Variants in MARF1 observed in about 807,000 individuals in gnomAD.
MARF1 encodes limkain-b1.
In MARF1, 24 loss-of-function variants were observed where a neutral mutation model predicts 168.2. The observed-to-expected ratio is 0.14, with a 90% CI of 0.10 to 0.20. The LOEUF (loss-of-function observed/expected upper bound fraction) is 0.20, where lower values mean the gene tolerates loss of function less well. Ranked by LOEUF, MARF1 falls within the 10% of genes least tolerant of loss-of-function variation. MARF1 has a pLI of 1.00. For synonymous variants in MARF1, 868 were observed against 822.4 expected, an observed-to-expected ratio of 1.06 and a Z score of -0.95; for missense variants, 1,744 against 2,143.6, an observed-to-expected ratio of 0.81 and a Z score of 3.68.
At chr16:15,611,330 G>A (rs1280698291) in intron 18 of MARF1, among the ~76,000 whole-genome samples, 1 of 151,654 alleles carries the variant, frequency 6.6e-6, no homozygotes, top group Non-Finnish European at 1.5e-5. Context: ...GTGGTGGCGG[G>A]CGCCTGTAGT....
intron 2 of MARF1, among the ~76,000 whole-genome samples, chr16:15,638,748 G>A (rs983505868): frequency 2.6e-5 from 4 of 152,106 alleles, no homozygotes; most frequent in African/African-American, 9.7e-5. Context: ...AAACTCAAGA[G>A]GGCTACAGTA....
intron 23 of MARF1, 100 bp from the exon 24 acceptor site, chr16:15,600,801 G>C: frequency 7.5e-6 from 9 of 1,192,470 alleles, no homozygotes; most frequent in Non-Finnish European, 1.0e-5. Flanking sequence ...CCTTAGGCTA[G>C]AATTTAGGAG....
rs2035246786 is a variant in MARF1 at position 15,631,456 on chromosome 16, C to A, written c.1276G>T (p.Asp426Tyr). ...CGGAGACTCTGCCGCAGTTTATCAT[C>A]AGCGGCATTCTTTGCAGTAGCATTG... ...HINATAKNAADDKLRQSLRRF... is the reference protein window; with the variant it reads ...HINATAKNAAYDKLRQSLRRF... Residue 426 changes from aspartate (D) to tyrosine (Y), a missense_variant, in exon 6 of 27, where the codon GAT becomes TAT. By Grantham distance (160) the Asp-to-Tyr change is radical. Coordinates refer to ENST00000396368, the MANE Select transcript of MARF1 (RefSeq NM_014647.4). 1 of 1,613,332 alleles carries A rather than the reference C, an allele frequency of 6.2e-7. No individual in the cohort carries two copies. Among genetic ancestry groups the A allele is most frequent in the South Asian group, 1.1e-5 (1 of 91,042 alleles).
At chr16:15,611,373 G>A (rs551384533) in intron 18 of MARF1, among the ~76,000 whole-genome samples, 3 of 150,912 alleles carry the variant, frequency 2.0e-5, no homozygotes, top group African/African-American at 4.9e-5. Context: ...GCAGGACAAC[G>A]GCATAAACCC....
intron 19 of MARF1, 45 bp downstream of exon 19, chr16:15,610,930 A>G: frequency 1.9e-6 from 3 of 1,582,718 alleles, no homozygotes; most frequent in Non-Finnish European, 1.7e-6. Context: ...TGTTAAAATA[A>G]CAGGAGATAG....
intron 5 of MARF1, among the ~76,000 whole-genome samples, chr16:15,632,727 A>G (rs907808657): frequency 3.3e-5 from 5 of 152,230 alleles, no homozygotes; most frequent in Non-Finnish European, 7.3e-5. Flanking sequence ...TGTAAAGAAC[A>G]TGGGTATATC....
intron 7 of MARF1, among the ~76,000 whole-genome samples, chr16:15,627,357 C>A (rs913353930): frequency 6.6e-6 from 1 of 150,984 alleles, no homozygotes; most frequent in East Asian, 2.0e-4. Flanking sequence ...CGGTGGCTCA[C>A]GCCTGTAATC....
At position 15,604,332 on chromosome 16, in the gene MARF1, C is replaced by G; in HGVS notation, c.4249G>C (p.Ala1417Pro). The change falls in exon 22 of 27, where the codon GCC becomes CCC. Residue 1417 changes from alanine (A) to proline (P), a missense_variant. Transcript: ENST00000396368. ...INRKSLRSLT[A>P]QLLVLLMSWE... Reference sequence around the variant, plus strand: ...GACATCAACAATACCAGCAACTGGGCAGTGAGAGATCGCAGAGACTTTCGG... The same window carrying G: ...GACATCAACAATACCAGCAACTGGGGAGTGAGAGATCGCAGAGACTTTCGG... 6.2e-7 allele frequency: 1 copy of G among 1,614,114 alleles called. No homozygotes were observed. Among genetic ancestry groups the G allele is most frequent in the Non-Finnish European group, 8.5e-7 (1 of 1,180,008 alleles).
At position 15,625,389 on chromosome 16, in the gene MARF1, T is replaced by C; in HGVS notation, c.1936A>G (p.Asn646Asp). ...AAAATTACCTGTAAACTTTTAACAT[T>C]TGTATTTTTTGTAGCAGATCCAGAA... Reference protein sequence around the residue: ...ANSGSATKNTNVKSLQELCRM... With the variant: ...ANSGSATKNTDVKSLQELCRM... Residue 646 changes from asparagine to aspartate, a missense_variant, in exon 8 of 27, where the codon AAT becomes GAT. Physicochemically the swap from Asn to Asp is conservative, Grantham distance 23 (BLOSUM62 1). This residue lies in a region of MARF1 where 270 missense variants were observed against 260.6 expected (regional missense o/e 1.04). Coordinates refer to ENST00000396368, the MANE Select transcript of MARF1 (RefSeq NM_014647.4). 1 of 1,603,362 alleles carries C rather than the reference T, an allele frequency of 6.2e-7. No homozygotes were observed. The highest frequency in any genetic ancestry group is 8.5e-7 in the Non-Finnish European group (1 of 1,175,800).
At chr16:15,602,254 C>T in intron 22 of MARF1, 51 bp from the exon 23 acceptor site, 5 of 1,513,906 alleles carry the variant, frequency 3.3e-6, no homozygotes, top group Non-Finnish European at 4.6e-6. Context: ...TGGCCCTGCC[C>T]CGTGGAAAGT....
intron 7 of MARF1, among the ~76,000 whole-genome samples, chr16:15,626,974 A>AAAAG (rs1555528257): frequency 4.0e-5 from 6 of 151,298 alleles, no homozygotes; most frequent in Admixed American, 3.3e-4. Context: ...AAAAAAAAAA[A>AAAAG]AAAGAAAGAA....
At position 15,602,091 on chromosome 16, in the gene MARF1, T is replaced by A; in HGVS notation, c.4526A>T (p.His1509Leu). The A allele has an allele frequency of 6.2e-7, 1 of 1,614,180 alleles. No individual in the cohort carries two copies. Among genetic ancestry groups the A allele is most frequent in the Non-Finnish European group, 8.5e-7 (1 of 1,180,010 alleles). ...CTTGGTATAGGCCATGGAAAACTCATGAAGGAAAATCTGCTGGTAGTGGTA... is the reference window on the plus strand; with the variant it reads ...CTTGGTATAGGCCATGGAAAACTCAAGAAGGAAAATCTGCTGGTAGTGGTA... ...HTYHYQQIFL[H>L]EFSMAYTKYV... Residue 1509 changes from histidine (H) to leucine (L), a missense_variant, in exon 23 of 27, where the codon CAT becomes CTT. This residue lies in a region of MARF1 where 313 missense variants were observed against 337.4 expected (regional missense o/e 0.93). Coordinates refer to ENST00000396368, the MANE Select transcript of MARF1 (RefSeq NM_014647.4).
intron 16 of MARF1, 42 bp downstream of exon 16, chr16:15,615,788 G>T: frequency 7.0e-7 from 1 of 1,424,264 alleles, no homozygotes; most frequent in East Asian, 2.5e-5. Context: ...TGGTCTCATA[G>T]TGGACAGGTG....
chr16:15,606,587 C>G (rs1254832725), intron 21 of MARF1, among the ~76,000 whole-genome samples: 1 of 152,128 alleles, frequency 6.6e-6, no homozygotes. Flanking sequence ...TAGTGGAAAA[C>G]CACTCTTGGA....
intron 7 of MARF1, among the ~76,000 whole-genome samples, chr16:15,629,366 C>T (rs955359508): frequency 1.3e-5 from 2 of 152,072 alleles, no homozygotes; most frequent in South Asian, 2.1e-4. Context: ...TAAGCCAGAC[C>T]GCAGGGGGCT....
chr16:15,607,909 T>C (rs900376264), intron 21 of MARF1, among the ~76,000 whole-genome samples: 3 of 152,136 alleles, frequency 2.0e-5, no homozygotes, highest in African/African-American at 7.2e-5. Flanking sequence ...GAGGACACTG[T>C]GTGATTACGG....
At chr16:15,599,457 G>T (rs1044306364) in intron 25 of MARF1, among the ~76,000 whole-genome samples, 1 of 152,106 alleles carries the variant, frequency 6.6e-6, no homozygotes, top group African/African-American at 2.4e-5. Context: ...TGAGATTTCC[G>T]AGCCTCCGCT....
At chr16:15,604,444 C>A (rs764475769) in intron 21 of MARF1, 46 bp from the exon 22 acceptor site, 1 of 1,390,820 alleles carries the variant, frequency 7.2e-7, no homozygotes, top group Non-Finnish European at 1.0e-6. Context: ...AAGAGAGACA[C>A]CCTAGGTTAT....
chr16:15,614,442 C>T (rs373407660), intron 16 of MARF1, among the ~76,000 whole-genome samples: 1 of 136,936 alleles, frequency 7.3e-6, no homozygotes, highest in South Asian at 2.3e-4. Flanking sequence ...GAGATCCGGC[C>T]ACTGCACTCC....
Sources: gnomAD v4.1 joint callset for allele counts (sites outside exome capture counted in the v4.1 genomes callset) on GRCh38, gnomAD v4.1.1 for gene constraint, gnomAD v4.1.1 regional missense constraint, MANE v1.5 for transcripts, NCBI Gene and HGNC (gene_info 2026-07-23, HGNC 2026-07-21) for gene names.